The following LMTK2 variants were observed in gnomAD, a reference collection of about 807,000 sequenced individuals.
LMTK2 encodes the protein serine/threonine-protein kinase LMTK2.
A neutral mutation model predicts 127.5 loss-of-function variants in LMTK2; 37 were observed. The observed-to-expected ratio is 0.29, with a 90% CI of 0.22 to 0.38. The LOEUF is 0.38. Among genes scored for constraint, LMTK2 ranks in the 10% least tolerant of loss-of-function variants. The pLI is 1.00. For synonymous variants in LMTK2, 819 were observed against 810.1 expected, an observed-to-expected ratio of 1.01 and a Z score of -0.19; for missense variants, 1,694 against 1,920.3, an observed-to-expected ratio of 0.88 and a Z score of 2.20.
intron 11 of LMTK2, among the ~76,000 whole-genome samples, chr7:98,196,591 G>A (rs1317032590): frequency 2.6e-5 from 4 of 152,330 alleles, no homozygotes; most frequent in Middle Eastern, 3.4e-3. Context: ...CCTGGGGGTA[G>A]CTGGAGTAGT....
chr7:98,162,320 C>T (rs1256911434), intron 6 of LMTK2, among the ~76,000 whole-genome samples: 1 of 152,166 alleles, frequency 6.6e-6, no homozygotes, highest in Non-Finnish European at 1.5e-5. Flanking sequence ...ATTGTACAGA[C>T]ATCTTTATGA....
chr7:98,191,548 T>C (rs1265822509), intron 10 of LMTK2, 66 bp from the exon 11 acceptor site: 1 of 1,317,640 alleles, frequency 7.6e-7, no homozygotes, highest in Non-Finnish European at 1.0e-6. Flanking sequence ...CAAGACTCCG[T>C]CTCGAACCAA....
chr7:98,150,214 G>A (rs199516150), intron 3 of LMTK2, among the ~76,000 whole-genome samples: 1 of 151,648 alleles, frequency 6.6e-6, no homozygotes, highest in Admixed American at 6.6e-5. Flanking sequence ...AGGCTGAGGC[G>A]GGAGAATCAC....
At chr7:98,158,685 T>C (rs761855178) in intron 5 of LMTK2, among the ~76,000 whole-genome samples, 9 of 152,180 alleles carry the variant, frequency 5.9e-5, no homozygotes, top group Non-Finnish European at 1.0e-4. Context: ...TTACAAGTAA[T>C]CTAGAGACTA....
At chr7:98,201,056 G>T (rs1333894621) in intron 11 of LMTK2, among the ~76,000 whole-genome samples, 1 of 150,820 alleles carries the variant, frequency 6.6e-6, no homozygotes, top group Admixed American at 6.6e-5. Flanking sequence ...CCATTTTTTT[G>T]CAGGATTCCT....
chr7:98,178,782 T>C (rs1797310954), intron 7 of LMTK2, among the ~76,000 whole-genome samples: 2 of 152,248 alleles, frequency 1.3e-5, no homozygotes, highest in East Asian at 3.8e-4. Context: ...AGCACTTTTA[T>C]GTTTTCAAAA....
chr7:98,183,147 A>G (rs557679702), intron 7 of LMTK2, among the ~76,000 whole-genome samples: 1 of 152,382 alleles, frequency 6.6e-6, no homozygotes, highest in Non-Finnish European at 1.5e-5. Flanking sequence ...ATGGCCCTGC[A>G]AAACTGTCTC....
intron 7 of LMTK2, among the ~76,000 whole-genome samples, chr7:98,174,119 A>AAAG (rs1554392202): frequency 1.3e-5 from 2 of 151,156 alleles, no homozygotes; most frequent in African/African-American, 4.9e-5. Context: ...AAAAAAAAAA[A>AAAG]AAAGAAAAAG....
At chr7:98,166,078 G>A (rs553262954) in intron 6 of LMTK2, among the ~76,000 whole-genome samples, 1 of 152,344 alleles carries the variant, frequency 6.6e-6, no homozygotes, top group East Asian at 1.9e-4. Context: ...CGGGCACTAC[G>A]GCCTTGGCCC....
rs144244623 is a variant in LMTK2, at chr7:98,151,398, A to G, written c.393A>G (p.Gln131=). ...FQPSVEGLKS[Q]VARHSLNYIQ... is the part of the protein sequence containing the mutation. ...TCTCTACAGAGGGATTGAAGTCTCA[A>G]GTTGCCCGCCACAGTCTAAACTACA... The change falls in exon 4 of 14, where the codon CAA becomes CAG. Residue 131 remains glutamine (Q), a synonymous_variant. Coordinates refer to ENST00000297293, the MANE Select transcript of LMTK2 (RefSeq NM_014916.4). 2.5e-6 allele frequency: 4 copies of G among 1,613,406 alleles called. No homozygotes were observed. The African/African-American group carries it at 5.3e-5, about 22-fold the overall frequency.
intron 11 of LMTK2, among the ~76,000 whole-genome samples, chr7:98,202,545 A>T (rs1797718528): frequency 6.6e-6 from 1 of 152,192 alleles, no homozygotes; most frequent in Non-Finnish European, 1.5e-5. Context: ...GCTGTGAATC[A>T]TGTTGATACT....
At chr7:98,164,027 T>C (rs947008117) in intron 6 of LMTK2, among the ~76,000 whole-genome samples, 2 of 152,214 alleles carry the variant, frequency 1.3e-5, no homozygotes, top group African/African-American at 4.8e-5. Flanking sequence ...GGAGAAAATA[T>C]TTTTGCACTT....
rs1797797311 is a variant in LMTK2 at position 98,206,364 on chromosome 7, C to T, written c.*872C>T. On this transcript the variant is annotated 3_prime_UTR_variant, in exon 14 of 14. Transcript: ENST00000297293. ...GGAGCTGAGAGGTCTTGCAGCCTCTCCTTGTCATTCTCCCACCCCACATCC... is the reference window on the plus strand; with the variant it reads ...GGAGCTGAGAGGTCTTGCAGCCTCTTCTTGTCATTCTCCCACCCCACATCC... 6.6e-6 allele frequency: 1 copy of T among 152,256 alleles called. No homozygotes were observed. The highest frequency in any genetic ancestry group is 2.4e-5 in the African/African-American group (1 of 41,454). 9.4% of individuals were successfully genotyped at this position (152,256 alleles called of 1,614,324 possible). A position where few individuals can be genotyped will look rare whatever the true frequency, so the allele number is the denominator to read the frequency against.
At chr7:98,184,604 A>G (rs901219922) in intron 7 of LMTK2, among the ~76,000 whole-genome samples, 2 of 152,116 alleles carry the variant, frequency 1.3e-5, no homozygotes, top group African/African-American at 4.8e-5. Context: ...TTGATGTCTT[A>G]TGTCTTCCTA....
At chr7:98,147,550 G>T (rs2116380354) in intron 3 of LMTK2, among the ~76,000 whole-genome samples, 1 of 152,176 alleles carries the variant, frequency 6.6e-6, no homozygotes, top group Admixed American at 6.5e-5. Context: ...GGAGTTTTTT[G>T]AGTGTGTAGA....
intron 5 of LMTK2, among the ~76,000 whole-genome samples, chr7:98,158,506 T>A (rs1215344239): frequency 6.6e-6 from 1 of 152,140 alleles, no homozygotes; most frequent in Non-Finnish European, 1.5e-5. Context: ...TTACTGAATT[T>A]GTATATACAG....
At chr7:98,177,031 C>T (rs538144964) in intron 7 of LMTK2, among the ~76,000 whole-genome samples, 3 of 152,180 alleles carry the variant, frequency 2.0e-5, no homozygotes, top group East Asian at 1.9e-4. Context: ...GCTACACCGT[C>T]TGCCTCCAGA....
At chr7:98,164,849 T>C (rs1277033840) in intron 6 of LMTK2, among the ~76,000 whole-genome samples, 1 of 152,194 alleles carries the variant, frequency 6.6e-6, no homozygotes, top group East Asian at 1.9e-4. Flanking sequence ...GTCTTTCTTA[T>C]TGGTCAGCAA....
rs528025804 is a variant in LMTK2 at position 98,136,073 on chromosome 7, C to T, written c.104-1242C>T. Among the ~76,000 whole-genome samples, 7 of 151,774 alleles carry T rather than the reference C, an allele frequency of 4.6e-5. No individual in the cohort carries two copies. The South Asian group carries it at 8.3e-4, about 18-fold the overall frequency. On this transcript the variant is annotated intron_variant, in intron 1 of 13. Coordinates refer to ENST00000297293, the MANE Select transcript of LMTK2 (RefSeq NM_014916.4). ...GGAGCCTGGAGCTTCCTGTCGTGCC[C>T]GGAAGTAAGGAAGAGTTGGAGAAAA...
Sources: allele counts gnomAD v4.1 joint callset (sites outside exome capture counted in the v4.1 genomes callset), GRCh38; gene constraint gnomAD v4.1.1; transcripts MANE v1.5; gene names NCBI Gene and HGNC (gene_info 2026-07-23, HGNC 2026-07-21).